TENM2: variants seen among roughly 807,000 people sequenced by gnomAD.
TENM2 encodes the protein teneurin transmembrane protein 2, also known as teneurin-2.
A neutral mutation model predicts 245.2 loss-of-function variants in TENM2; 52 were observed. The ratio of observed to expected loss-of-function variants is 0.21; its 90% confidence interval spans 0.17 to 0.27. The LOEUF (loss-of-function observed/expected upper bound fraction) is 0.27. Among genes scored for constraint, TENM2 ranks in the 10% least tolerant of loss-of-function variants. The pLI, the probability that TENM2 is intolerant of heterozygous loss-of-function variation, is 1.00. For missense variants in TENM2, 3,046 were observed against 3,666.8 expected, an observed-to-expected ratio of 0.83 and a Z score of 4.37; for synonymous variants, 1,363 against 1,438.9, an observed-to-expected ratio of 0.95 and a Z score of 1.19.
intron 2 of TENM2, among the ~76,000 whole-genome samples, chr5:167,402,414 A>G (rs1242463249): frequency 6.6e-6 from 1 of 152,144 alleles, no homozygotes; most frequent in Non-Finnish European, 1.5e-5. Flanking sequence ...CTATTCAGTG[A>G]GAAGTATGTA....
intron 2 of TENM2, among the ~76,000 whole-genome samples, chr5:167,527,213 G>C (rs1771180677): frequency 6.6e-6 from 1 of 151,982 alleles, no homozygotes; most frequent in South Asian, 2.1e-4. Context: ...GATGCAAAAA[G>C]GACATATCTG....
intron 28 of TENM2, among the ~76,000 whole-genome samples, chr5:168,261,158 T>C (rs1364874333): frequency 6.6e-6 from 1 of 152,094 alleles, no homozygotes; most frequent in Non-Finnish European, 1.5e-5. Flanking sequence ...ATTTCTCTCA[T>C]TTATCTAAGT....
intron 2 of TENM2, among the ~76,000 whole-genome samples, chr5:167,784,984 TG>T (rs200180960): frequency 8.8e-4 from 131 of 149,412 alleles, no homozygotes; most frequent in Middle Eastern, 7.0e-3. Flanking sequence ...TTTTTTTTTT[TG>T]AATTATTCTC....
intron 2 of TENM2, among the ~76,000 whole-genome samples, chr5:167,424,300 T>C (rs1050232129): frequency 3.9e-5 from 6 of 151,970 alleles, no homozygotes; most frequent in African/African-American, 1.5e-4. Flanking sequence ...GAGTTAGATA[T>C]ATTCCAGCAC....
At chr5:167,240,258 C>CT in the TENM2 span, among the ~76,000 whole-genome samples, 296 of 141,614 alleles carry the variant, frequency 2.1e-3, 2 homozygotes, top group South Asian at 0.016. Context: ...GGTAGGTGGC[C>CT]TTTTTTTTTT....
chr5:167,695,242 T>C (rs1474871655), intron 2 of TENM2, among the ~76,000 whole-genome samples: 1 of 152,204 alleles, frequency 6.6e-6, no homozygotes, highest in African/African-American at 2.4e-5. Context: ...AGTAAGTATC[T>C]TAGGCTTTGC....
intron 12 of TENM2, among the ~76,000 whole-genome samples, chr5:168,132,270 C>T (rs1754659038): frequency 6.6e-6 from 1 of 152,188 alleles, no homozygotes. Context: ...GAAGCATTTG[C>T]TTTCTTGTCC....
chr5:167,138,335 AC>A, the TENM2 span, among the ~76,000 whole-genome samples: 4 of 152,330 alleles, frequency 2.6e-5, no homozygotes, highest in Admixed American at 1.3e-4. Context: ...CTCAGAGCAA[AC>A]TTCTTAATGA....
At chr5:167,174,698 A>T in the TENM2 span, among the ~76,000 whole-genome samples, 1 of 152,086 alleles carries the variant, frequency 6.6e-6, no homozygotes, top group African/African-American at 2.4e-5. Flanking sequence ...TACTTTTGGC[A>T]CATTTTCATT....
At chr5:167,943,504 T>A (rs914020268) in intron 3 of TENM2, among the ~76,000 whole-genome samples, 1 of 152,136 alleles carries the variant, frequency 6.6e-6, no homozygotes, top group Non-Finnish European at 1.5e-5. Context: ...TTGGCTTTTT[T>A]AAAAAAATAG....
intron 2 of TENM2, among the ~76,000 whole-genome samples, chr5:167,658,623 C>T (rs1382438049): frequency 3.9e-5 from 6 of 152,128 alleles, no homozygotes; most frequent in Non-Finnish European, 5.9e-5. Flanking sequence ...CAGACCACAG[C>T]AATGCCAAAA....
At chr5:167,267,454 C>T in the TENM2 span, among the ~76,000 whole-genome samples, 1 of 152,094 alleles carries the variant, frequency 6.6e-6, no homozygotes, top group Non-Finnish European at 1.5e-5. Flanking sequence ...TACTACAACA[C>T]AAACATTTCA....
chr5:168,022,445 A>G (rs1305033733), intron 5 of TENM2, among the ~76,000 whole-genome samples: 1 of 152,254 alleles, frequency 6.6e-6, no homozygotes, highest in Non-Finnish European at 1.5e-5. Flanking sequence ...ACTGAAAGAA[A>G]TCAGAGCAGG....
the TENM2 span, among the ~76,000 whole-genome samples, chr5:167,043,798 C>T: frequency 3.3e-5 from 5 of 152,092 alleles, no homozygotes; most frequent in South Asian, 2.1e-4. Flanking sequence ...CCGAGGTGGG[C>T]GGATCACAAG....
At position 167,987,910 on chromosome 5, in the gene TENM2, A is replaced by G. The variant is rs540357721; in HGVS notation, c.948-5034A>G. Among the ~76,000 whole-genome samples the G allele has an allele frequency of 2.0e-5, 3 of 152,316 alleles. No homozygotes were observed. In the East Asian group the frequency reaches 5.8e-4, roughly 29 times the overall value. On this transcript the variant is annotated intron_variant, in intron 4 of 28. Coordinates refer to ENST00000518659, the Ensembl canonical transcript of TENM2. ...TGTATCATGGGAGAAATAGGATTCTACTTATCGTTGGTTTTTTGTTTAATC... is the reference window on the plus strand; with the variant it reads ...TGTATCATGGGAGAAATAGGATTCTGCTTATCGTTGGTTTTTTGTTTAATC...
At chr5:167,810,672 T>A (rs1766570961) in intron 2 of TENM2, among the ~76,000 whole-genome samples, 1 of 151,074 alleles carries the variant, frequency 6.6e-6, no homozygotes, top group Admixed American at 6.6e-5. Context: ...ACTTGTGCCC[T>A]AAGAAATGTG....
At chr5:167,154,028 C>T in the TENM2 span, among the ~76,000 whole-genome samples, 1 of 152,152 alleles carries the variant, frequency 6.6e-6, no homozygotes, top group Admixed American at 6.6e-5. Flanking sequence ...AATACAAGGG[C>T]AAGGTCTCTT....
At chr5:167,929,325 A>T (rs1433482332) in intron 3 of TENM2, among the ~76,000 whole-genome samples, 1 of 152,068 alleles carries the variant, frequency 6.6e-6, no homozygotes, top group African/African-American at 2.4e-5. Flanking sequence ...CATTTGAGAA[A>T]TGCCTCTTAG....
chr5:167,544,677 C>T lies in TENM2; in HGVS notation c.502+169204C>T, dbSNP rs80076544. Among the ~76,000 whole-genome samples, 508 of 152,272 alleles carry T rather than the reference C, an allele frequency of 3.3e-3. 23 individuals are homozygous for T. In the South Asian group the frequency reaches 0.08, roughly 24 times the overall value. On this transcript the variant is annotated intron_variant, in intron 2 of 28. Transcript: ENST00000518659. ...CATTTATTCATCCATTCATCATTCACGCTTTCATTCAACAAATGTGTACTG... is the reference window on the plus strand; with the variant it reads ...CATTTATTCATCCATTCATCATTCATGCTTTCATTCAACAAATGTGTACTG...
Sources: gnomAD v4.1 joint callset for allele counts (sites outside exome capture counted in the v4.1 genomes callset) on GRCh38, gnomAD v4.1.1 for gene constraint, MANE v1.5 for transcripts, NCBI Gene and HGNC (gene_info 2026-07-23, HGNC 2026-07-21) for gene names.